The following AFM variants were observed in gnomAD, a reference collection of about 807,000 sequenced individuals.
AFM encodes the protein afamin.
A neutral mutation model predicts 68.7 loss-of-function variants in AFM; 82 were observed. The ratio of observed to expected loss-of-function variants is 1.19; its 90% CI spans 1.00 to 1.43. The LOEUF (loss-of-function observed/expected upper bound fraction) is 1.43, where lower values mean the gene tolerates loss of function less well. AFM is among the 40% of genes most tolerant of loss of function. The probability of loss-of-function intolerance (pLI) is 0.00; values close to 1 mark genes in which losing one functional copy is unlikely to be tolerated. For missense variants in AFM, 772 were observed against 701.8 expected, an observed-to-expected ratio of 1.10 and a Z score of -1.13; for synonymous variants, 250 against 234.2, an observed-to-expected ratio of 1.07 and a Z score of -0.61.
At chr4:73,481,910 A>G in intron 1 of AFM, 47 bp downstream of exon 1, 1 of 1,316,008 alleles carries the variant, frequency 7.6e-7, no homozygotes, top group Non-Finnish European at 1.1e-6. Context: ...CAGTTAGGAT[A>G]ATTTCTATTT....
At chr4:73,484,034 A>G (rs763023160) in intron 2 of AFM, 45 bp downstream of exon 2, 17 of 1,473,476 alleles carry the variant, frequency 1.2e-5, no homozygotes, top group Middle Eastern at 1.8e-4. Flanking sequence ...TTAAAATGAT[A>G]TATTCTAGAA....
Position 73,486,935 on chromosome 4 carries a change from C to T in AFM, c.483-32C>T, listed in dbSNP as rs190352125. 2.6e-4 allele frequency: 422 copies of T among 1,599,620 alleles called. No individual in the cohort carries two copies. The African/African-American group carries it at 4.4e-3, about 17-fold the overall frequency. ...ATTGCTTCCTGTTTCTTCCCTCACC[C>T]GTCTTCTCTCTTTCATTTTTATTTT... On this transcript the variant is annotated intron_variant, in intron 4 of 14. Coordinates refer to ENST00000226355, the MANE Select transcript of AFM (RefSeq NM_001133.2).
At chr4:73,493,046 G>C (rs1048716887) in intron 8 of AFM, among the ~76,000 whole-genome samples, 1 of 152,232 alleles carries the variant, frequency 6.6e-6, no homozygotes, top group African/African-American at 2.4e-5. Flanking sequence ...GTTGTATATA[G>C]GGACCCTGGA....
intron 1 of AFM, among the ~76,000 whole-genome samples, chr4:73,482,101 T>A (rs939445772): frequency 3.3e-5 from 5 of 152,234 alleles, no homozygotes; most frequent in Non-Finnish European, 7.3e-5. Flanking sequence ...TAATCAGCAG[T>A]CTATGACAGG....
At position 73,488,834 on chromosome 4, in the gene AFM, A is replaced by G. The variant is rs1720988911; in HGVS notation, c.843+75A>G. On this transcript the variant is annotated intron_variant, in intron 7 of 14. Transcript: ENST00000226355. ...ATTTTTTTATTCTCAAGTTGCCCTG[A>G]TATGTGGTTACTTTGCCACAATGAA... 2.1e-6 allele frequency: 3 copies of G among 1,426,498 alleles called. No individual in the cohort carries two copies. In the Admixed American group the frequency reaches 6.5e-5, roughly 31 times the overall value. The allele number at this position is 1,426,498 out of a possible 1,614,324, so 88.4% of individuals were successfully genotyped here. A position where few individuals can be genotyped will look rare whatever the true frequency, so the allele number is the denominator to read the frequency against.
chr4:73,499,983 T>C lies in AFM; in HGVS notation c.1423-21T>C, dbSNP rs200994199. On this transcript the variant is annotated intron_variant, in intron 11 of 14. Coordinates refer to ENST00000226355, the MANE Select transcript of AFM (RefSeq NM_001133.2). ...TTCAAGTTTTAAGATCGTATCTCAG[T>C]TGCAACTCTTGTTGGTACAGGCAGA... 223 of 1,596,626 alleles carry C rather than the reference T, an allele frequency of 1.4e-4. 1 individual carries two copies. The African/African-American group carries it at 2.6e-3, about 19-fold the overall frequency.
Position 73,488,736 on chromosome 4 carries a change from G to A in AFM, c.820G>A (p.Val274Ile). The A allele has an allele frequency of 8.7e-6, 14 of 1,612,622 alleles. No homozygotes were observed. Among genetic ancestry groups the A allele is most frequent in the Non-Finnish European group, 1.2e-5 (14 of 1,179,414 alleles). ...CTATGATGGATGCTGTGAAGGGGAT[G>A]TTGTGCAGTGCATCCGTGACACGGT... ...SNYDGCCEGD[V>I]VQCIRDTSKV... Residue 274 changes from valine (V) to isoleucine (I), a missense_variant, in exon 7 of 15, where the codon GTT (valine) becomes ATT (isoleucine). Transcript: ENST00000226355.
chr4:73,501,518 C>T (rs1384342042), intron 12 of AFM, among the ~76,000 whole-genome samples: 1 of 151,976 alleles, frequency 6.6e-6, no homozygotes, highest in African/African-American at 2.4e-5. Context: ...TACTCCTTGG[C>T]CAACTTCTCG....
intron 12 of AFM, among the ~76,000 whole-genome samples, chr4:73,501,239 C>A (rs897951030): frequency 1.3e-5 from 2 of 151,806 alleles, no homozygotes; most frequent in African/African-American, 4.8e-5. Context: ...TTAATTGCTC[C>A]TTTGACATCA....
intron 7 of AFM, among the ~76,000 whole-genome samples, chr4:73,489,041 T>C (rs1268672798): frequency 6.6e-6 from 1 of 152,220 alleles, no homozygotes; most frequent in Non-Finnish European, 1.5e-5. Context: ...GTTCATTTAG[T>C]ACAGATTGAA....
Position 73,497,772 on chromosome 4 carries a change from C to A in AFM, c.1289+23C>A, listed in dbSNP as rs574145695. On this transcript the variant is annotated intron_variant, in intron 10 of 14. Coordinates refer to ENST00000226355, the MANE Select transcript of AFM (RefSeq NM_001133.2). ...CCAGTATGTTGTTTGCACAAGTGGG[C>A]TAACACTTGCCACTAGAATTGAATA... is the stretch of plus-strand genomic sequence containing the variant. The A allele has an allele frequency of 1.7e-5, 24 of 1,423,126 alleles. No homozygotes were observed. In the East Asian group the frequency reaches 5.5e-4, roughly 32 times the overall value. The allele number at this position is 1,423,126 out of a possible 1,614,324, so 88.2% of individuals were successfully genotyped here.
At chr4:73,491,214 G>A (rs1444645013) in intron 7 of AFM, among the ~76,000 whole-genome samples, 3 of 152,166 alleles carry the variant, frequency 2.0e-5, no homozygotes, top group Admixed American at 6.5e-5. Context: ...CTTATGTAGA[G>A]GTTAGAACTG....
intron 3 of AFM, 88 bp downstream of exon 3, chr4:73,484,478 CTTTCTT>C (rs1342596123): frequency 3.2e-6 from 2 of 624,432 alleles, no homozygotes; most frequent in Non-Finnish European, 5.0e-6. Flanking sequence ...TTCTTTCTTT[CTTTCTT>C]TCTTTCTTTC....
chr4:73,492,456 A>T (rs996860505), intron 8 of AFM, among the ~76,000 whole-genome samples: 1 of 152,210 alleles, frequency 6.6e-6, no homozygotes, highest in Non-Finnish European at 1.5e-5. Context: ...ACAGCTAAAA[A>T]GTGACAGAGT....
chr4:73,490,988 A>G (rs981728529), intron 7 of AFM, among the ~76,000 whole-genome samples: 1 of 152,176 alleles, frequency 6.6e-6, no homozygotes, highest in Non-Finnish European at 1.5e-5. Context: ...TGTTCACCAG[A>G]AGATTCGTCA....
intron 8 of AFM, 123 bp from the exon 9 acceptor site, chr4:73,495,177 C>T: frequency 1.1e-6 from 1 of 884,630 alleles, no homozygotes; most frequent in Non-Finnish European, 1.6e-6. Flanking sequence ...GTGACCAAGA[C>T]AGAGGAGAAA....
Position 73,501,672 on chromosome 4 carries a change from CTT to C in AFM, c.1647-113_1647-112del, listed in dbSNP as rs1721426820. On this transcript the variant is annotated intron_variant, in intron 12 of 14. Transcript: ENST00000226355. ...CCATTCAAAGTGGTATATTTCAACT[CTT>C]TACCCACACCCAAGCTGAGACTCAA... The C allele has an allele frequency of 6.7e-6, 8 of 1,197,350 alleles. No homozygotes were observed. The South Asian group carries it at 1.1e-4, about 17-fold the overall frequency. 74.2% of individuals were successfully genotyped at this position (1,197,350 alleles called of 1,614,324 possible).
chr4:73,482,899 T>C (rs1236794711), intron 1 of AFM, among the ~76,000 whole-genome samples: 4 of 152,164 alleles, frequency 2.6e-5, no homozygotes, highest in Non-Finnish European at 5.9e-5. Flanking sequence ...ATGATCAGAT[T>C]ACTATCCTAT....
intron 9 of AFM, among the ~76,000 whole-genome samples, chr4:73,495,982 C>T (rs1156382776): frequency 6.6e-6 from 1 of 152,146 alleles, no homozygotes; most frequent in East Asian, 1.9e-4. Context: ...TGGCATAATT[C>T]CTAGAAAATG....
Sources: gnomAD v4.1 joint callset for allele counts (sites outside exome capture counted in the v4.1 genomes callset) on GRCh38, gnomAD v4.1.1 for gene constraint, MANE v1.5 for transcripts, NCBI Gene and HGNC (gene_info 2026-07-23, HGNC 2026-07-21) for gene names.